Variants in LRMDA observed in about 807,000 individuals in gnomAD.
The protein encoded by LRMDA is leucine-rich melanocyte differentiation-associated protein.
Under a neutral mutation model 29.8 loss-of-function variants are expected in LRMDA, and 18 were observed. That is an observed-to-expected ratio of 0.60 (90% CI 0.42 to 0.90). The LOEUF (loss-of-function observed/expected upper bound fraction) is 0.90, where lower values mean the gene tolerates loss of function less well. LRMDA is among the 40% of genes least tolerant of loss of function. LRMDA has a pLI of 0.00. For synonymous variants in LRMDA, 125 were observed against 109.4 expected (o/e 1.14, Z -0.89); for missense variants, 273 against 273.9 (o/e 1.00, Z 0.02).
At chr10:75,863,655 A>T in intron 2 of LRMDA, among the ~76,000 whole-genome samples, 1 of 152,234 alleles carries the variant, frequency 6.6e-6, no homozygotes, top group East Asian at 1.9e-4. Context: ...AATGAACAAC[A>T]TTGGTAAATG....
At chr10:76,133,093 T>C (rs1450983944) in intron 5 of LRMDA, among the ~76,000 whole-genome samples, 1 of 151,178 alleles carries the variant, frequency 6.6e-6, no homozygotes, top group Non-Finnish European at 1.5e-5. Flanking sequence ...AGTGCTGGGA[T>C]TACAAGCGTG....
At chr10:75,737,540 A>G (rs1394101793) in intron 2 of LRMDA, among the ~76,000 whole-genome samples, 1 of 152,188 alleles carries the variant, frequency 6.6e-6, no homozygotes, top group Non-Finnish European at 1.5e-5. Flanking sequence ...TGGGGTATCA[A>G]TGCTATATTT....
chr10:76,003,530 G>T (rs888991693), intron 2 of LRMDA, among the ~76,000 whole-genome samples: 1 of 152,168 alleles, frequency 6.6e-6, no homozygotes, highest in Non-Finnish European at 1.5e-5. Context: ...GACGTTACAC[G>T]TTGGAGGGCA....
intron 2 of LRMDA, among the ~76,000 whole-genome samples, chr10:75,971,949 T>C (rs955383185): frequency 3.9e-5 from 6 of 152,210 alleles, no homozygotes; most frequent in Admixed American, 2.0e-4. Flanking sequence ...GTGGTTTGTT[T>C]TTAAGAAAAC....
rs149556251 is a variant in LRMDA at position 76,201,667 on chromosome 10, T to C, written c.517-122734T>C. ...CATTTTTCATGATTTGCTGAGGATA[T>C]TGTGGACTTAGTGTCAAATATTTTT... On this transcript the variant is annotated intron_variant, in intron 5 of 6. Coordinates refer to ENST00000611255, the MANE Select transcript of LRMDA (RefSeq NM_001305581.2). Among the ~76,000 whole-genome samples, 3 of 152,338 alleles carry C rather than the reference T, an allele frequency of 2.0e-5. No homozygotes were observed. The East Asian group carries it at 5.8e-4, about 29-fold the overall frequency.
chr10:76,511,806 A>G (rs1843011487), intron 6 of LRMDA, among the ~76,000 whole-genome samples: 2 of 151,722 alleles, frequency 1.3e-5, no homozygotes, highest in African/African-American at 4.8e-5. Context: ...AAATTTATCT[A>G]GATTCAGCAC....
intron 2 of LRMDA, among the ~76,000 whole-genome samples, chr10:75,670,240 A>C (rs1248397564): frequency 6.6e-6 from 1 of 152,262 alleles, no homozygotes; most frequent in Non-Finnish European, 1.5e-5. Flanking sequence ...AAAAATGAAT[A>C]ACTTGCAATG....
chr10:75,706,505 A>G lies in LRMDA; in HGVS notation c.131+268011A>G, dbSNP rs1842370977. On this transcript the variant is annotated intron_variant, in intron 2 of 6. Transcript: ENST00000611255. ...CTTGTATTCCTATAGAGAATTTTGG[A>G]CATTTGAGGCCTTATGAGGATCAAA... Among the ~76,000 whole-genome samples the G allele has an allele frequency of 5.3e-5, 8 of 152,180 alleles. 1 individual carries two copies. The South Asian group carries it at 1.7e-3, about 31-fold the overall frequency.
chr10:75,942,877 C>A (rs1846416088), intron 2 of LRMDA, among the ~76,000 whole-genome samples: 1 of 152,102 alleles, frequency 6.6e-6, no homozygotes, highest in South Asian at 2.1e-4. Context: ...TTTCAGTAGT[C>A]TTTTGTTTGA....
At chr10:76,473,763 A>C (rs1030475876) in intron 6 of LRMDA, among the ~76,000 whole-genome samples, 1 of 151,734 alleles carries the variant, frequency 6.6e-6, no homozygotes, top group African/African-American at 2.4e-5. Context: ...AAAGAGTAAA[A>C]GACTTAGAAA....
chr10:76,433,433 A>C (rs1189726691), intron 6 of LRMDA, among the ~76,000 whole-genome samples: 2 of 152,100 alleles, frequency 1.3e-5, no homozygotes, highest in Non-Finnish European at 2.9e-5. Flanking sequence ...AACAGCTAAT[A>C]AGTGTTGTTA....
At chr10:76,010,832 C>G (rs772179045) in intron 2 of LRMDA, among the ~76,000 whole-genome samples, 1 of 152,260 alleles carries the variant, frequency 6.6e-6, no homozygotes, top group Non-Finnish European at 1.5e-5. Context: ...GAGGACTGGC[C>G]TGTCTCAGGC....
intron 6 of LRMDA, among the ~76,000 whole-genome samples, chr10:76,429,941 G>A (rs560399694): frequency 3.3e-5 from 5 of 152,152 alleles, no homozygotes; most frequent in Non-Finnish European, 7.4e-5. Flanking sequence ...AACCAGATCC[G>A]AGACAACTAT....
At chr10:75,734,792 A>G (rs1380716461) in intron 2 of LRMDA, among the ~76,000 whole-genome samples, 1 of 152,228 alleles carries the variant, frequency 6.6e-6, no homozygotes, top group East Asian at 1.9e-4. Flanking sequence ...GGGAGTGGCC[A>G]GGACTGGGAG....
At chr10:76,521,285 C>A (rs897302836) in intron 6 of LRMDA, among the ~76,000 whole-genome samples, 67 of 152,238 alleles carry the variant, frequency 4.4e-4, no homozygotes, top group African/African-American at 1.5e-3. Context: ...AGGCGCCTGC[C>A]ACCACGCCCG....
At chr10:76,147,945 GT>G (rs1192400252) in intron 5 of LRMDA, among the ~76,000 whole-genome samples, 3 of 152,300 alleles carry the variant, frequency 2.0e-5, no homozygotes, top group Non-Finnish European at 4.4e-5. Context: ...TTTGCTAGAG[GT>G]CCACTCTAGA....
intron 6 of LRMDA, among the ~76,000 whole-genome samples, chr10:76,418,209 C>A (rs988944085): frequency 1.3e-5 from 2 of 151,936 alleles, no homozygotes; most frequent in East Asian, 3.9e-4. Context: ...AATTTATAGG[C>A]CAATTTGTGA....
intron 2 of LRMDA, among the ~76,000 whole-genome samples, chr10:75,970,693 G>A (rs1846950859): frequency 1.3e-5 from 2 of 152,226 alleles, no homozygotes; most frequent in Non-Finnish European, 2.9e-5. Flanking sequence ...AGCTTAGGAA[G>A]GGTTGAAGAT....
At chr10:75,893,323 A>G (rs916402891) in intron 2 of LRMDA, among the ~76,000 whole-genome samples, 3 of 152,182 alleles carry the variant, frequency 2.0e-5, no homozygotes, top group African/African-American at 7.2e-5. Context: ...CCAGATAGTC[A>G]AGGCTAAAAC....
Sources: allele counts gnomAD v4.1 joint callset (sites outside exome capture counted in the v4.1 genomes callset), GRCh38; gene constraint gnomAD v4.1.1; transcripts MANE v1.5; gene names NCBI Gene and HGNC (gene_info 2026-07-23, HGNC 2026-07-21).